Variants in GRIA1 observed in about 807,000 individuals in gnomAD.
The protein encoded by GRIA1 is glutamate ionotropic receptor AMPA type subunit 1, also known as glutamate receptor 1.
Under a neutral mutation model 99.2 loss-of-function variants are expected in GRIA1, and 31 were observed. The observed-to-expected ratio is 0.31, with a 90% CI of 0.23 to 0.42. The LOEUF is 0.42. Ranked by LOEUF, GRIA1 falls within the 10% of genes least tolerant of loss-of-function variation. GRIA1 has a pLI of 1.00. For missense variants in GRIA1, 782 were observed against 1,157.5 expected (o/e 0.68, Z 4.71); for synonymous variants, 438 against 432.4 (o/e 1.01, Z -0.16).
At chr5:153,630,066 G>A (rs1305750388) in intron 2 of GRIA1, among the ~76,000 whole-genome samples, 1 of 150,730 alleles carries the variant, frequency 6.6e-6, no homozygotes, top group African/African-American at 2.4e-5. Context: ...TCAGTTCTGT[G>A]ACCCCTGCCT....
chr5:153,532,427 T>C (rs1758174342), intron 2 of GRIA1, among the ~76,000 whole-genome samples: 1 of 152,208 alleles, frequency 6.6e-6, no homozygotes, highest in African/African-American at 2.4e-5. Context: ...ACTCAAGCTA[T>C]ATCCCCAGTA....
At chr5:153,660,031 T>A (rs1421443757) in intron 5 of GRIA1, among the ~76,000 whole-genome samples, 2 of 152,172 alleles carry the variant, frequency 1.3e-5, no homozygotes, top group Non-Finnish European at 2.9e-5. Flanking sequence ...GTAAACAAGG[T>A]GGAATTCATC....
At chr5:153,711,130 G>A (rs1256267260) in intron 11 of GRIA1, among the ~76,000 whole-genome samples, 2 of 152,146 alleles carry the variant, frequency 1.3e-5, no homozygotes, top group Admixed American at 6.6e-5. Flanking sequence ...AGAGGCCTGC[G>A]CAGGGCCCTG....
intron 2 of GRIA1, among the ~76,000 whole-genome samples, chr5:153,646,553 A>G (rs1401181496): frequency 6.6e-6 from 1 of 152,180 alleles, no homozygotes; most frequent in Non-Finnish European, 1.5e-5. Context: ...TAGCCTCAAT[A>G]GGGTCATTGT....
chr5:153,626,734 C>A (rs1767664115), intron 2 of GRIA1, among the ~76,000 whole-genome samples: 1 of 152,066 alleles, frequency 6.6e-6, no homozygotes, highest in African/African-American at 2.4e-5. Flanking sequence ...TTATCATCAT[C>A]TTATTGGTAC....
At chr5:153,642,448 C>A (rs1017995643) in intron 2 of GRIA1, among the ~76,000 whole-genome samples, 1 of 152,014 alleles carries the variant, frequency 6.6e-6, no homozygotes, top group Non-Finnish European at 1.5e-5. Flanking sequence ...CATTACAGGC[C>A]AGTCACAGTG....
intron 2 of GRIA1, among the ~76,000 whole-genome samples, chr5:153,629,223 C>G (rs896396468): frequency 6.6e-6 from 1 of 152,150 alleles, no homozygotes; most frequent in Non-Finnish European, 1.5e-5. Flanking sequence ...CTCTTCCCTC[C>G]CCCTTCCTCC....
In GRIA1 at chr5:153,768,606, C is replaced by T. The variant is rs146407527; in HGVS notation, c.2023-1562C>T. 8.0e-3 allele frequency among the ~76,000 whole-genome samples: 1,218 copies of T among 152,076 alleles called. 24 individuals are homozygous for T. Among genetic ancestry groups the T allele is most frequent in the African/African-American group, 0.027 (1,128 of 41,476 alleles). Reference sequence around the variant, plus strand: ...CAAGATCTATGATTTTCCTGGGCCCCGAATGTCTTTATTGATCAGCTGACT... The same window carrying T: ...CAAGATCTATGATTTTCCTGGGCCCTGAATGTCTTTATTGATCAGCTGACT... On this transcript the variant is annotated intron_variant, in intron 12 of 15. Transcript: ENST00000285900.
In GRIA1 at chr5:153,637,489, G is replaced by A. The variant is rs543736632; in HGVS notation, c.221-9439G>A. The stretch of plus-strand genomic sequence containing the variant: ...GTTGAGTCACTCTATGGACCATCCC[G>A]GAAAGATCCTCTTCTCATAATAACA... On this transcript the variant is annotated intron_variant, in intron 2 of 15. Transcript: ENST00000285900. 1.2e-4 allele frequency among the ~76,000 whole-genome samples: 19 copies of A among 152,266 alleles called. 1 individual carries two copies. Among genetic ancestry groups the A allele is most frequent in the African/African-American group, 4.3e-4 (18 of 41,542 alleles).
chr5:153,700,230 C>T (rs1048900777), intron 10 of GRIA1, among the ~76,000 whole-genome samples: 2 of 152,070 alleles, frequency 1.3e-5, no homozygotes, highest in Admixed American at 1.3e-4. Context: ...ACCAAAAATA[C>T]AAAAATTAGC....
In GRIA1 at chr5:153,777,452, C is replaced by T. The variant is rs116191779; in HGVS notation, c.2270+7037C>T. 6.3e-3 allele frequency among the ~76,000 whole-genome samples: 958 copies of T among 152,224 alleles called. 4 individuals carry two copies. Among genetic ancestry groups the T allele is most frequent in the Middle Eastern group, 0.01 (3 of 294 alleles). ...GGGTAAGTCACTAGAACTTCATAAA[C>T]GTCTGTCTTCTTATCTGAAAAATTG... On this transcript the variant is annotated intron_variant, in intron 13 of 15. Transcript: ENST00000285900.
intron 11 of GRIA1, among the ~76,000 whole-genome samples, chr5:153,727,121 A>G (rs949966908): frequency 1.9e-4 from 29 of 152,298 alleles, no homozygotes; most frequent in African/African-American, 3.6e-4. Context: ...TATAAACAGA[A>G]CCAAAGACAA....
intron 11 of GRIA1, among the ~76,000 whole-genome samples, chr5:153,756,822 G>C (rs756774193): frequency 9.9e-5 from 15 of 152,106 alleles, no homozygotes; most frequent in Non-Finnish European, 1.9e-4. Flanking sequence ...CAGATTTCTG[G>C]ACAGGCCAAC....
At chr5:153,526,574 A>T (rs1199802925) in intron 2 of GRIA1, among the ~76,000 whole-genome samples, 1 of 152,246 alleles carries the variant, frequency 6.6e-6, no homozygotes, top group Non-Finnish European at 1.5e-5. Context: ...AATCCAAAGG[A>T]ACTCTGCAAA....
In GRIA1 at chr5:153,646,924, G is replaced by T. The variant is rs747932724; in HGVS notation, c.221-4G>T. On this transcript the variant is annotated splice_region_variant and splice_polypyrimidine_tract_variant and intron_variant, in intron 2 of 15. Coordinates refer to ENST00000285900, the MANE Select transcript of GRIA1 (RefSeq NM_000827.4). ...TATTCATTAATCCTTCTCTTCTCTT[G>T]TAGTCTGTTCCCAGTTCTCCAAAGG... 1 of 1,613,648 alleles carries T rather than the reference G, an allele frequency of 6.2e-7. No homozygotes were observed.
intron 8 of GRIA1, among the ~76,000 whole-genome samples, chr5:153,686,778 A>G (rs1466462201): frequency 1.3e-5 from 2 of 152,208 alleles, no homozygotes; most frequent in East Asian, 3.8e-4. Context: ...GAAAATATAT[A>G]TGTTTACATA....
At chr5:153,612,534 T>C (rs1014296487) in intron 2 of GRIA1, among the ~76,000 whole-genome samples, 50 of 152,224 alleles carry the variant, frequency 3.3e-4, no homozygotes, top group Non-Finnish European at 6.6e-4. Flanking sequence ...GGATAATGCA[T>C]ATTAAGTGCC....
At chr5:153,655,318 G>T (rs1049771253) in intron 4 of GRIA1, among the ~76,000 whole-genome samples, 1 of 152,170 alleles carries the variant, frequency 6.6e-6, no homozygotes, top group African/African-American at 2.4e-5. Flanking sequence ...GCAAGGAATT[G>T]AAGGTGAAGT....
intron 2 of GRIA1, among the ~76,000 whole-genome samples, chr5:153,613,653 T>G (rs1766203576): frequency 6.6e-6 from 1 of 152,198 alleles, no homozygotes; most frequent in Admixed American, 6.5e-5. Flanking sequence ...CCATTACTTT[T>G]AATGACAAAC....
Sources: allele counts gnomAD v4.1 joint callset (sites outside exome capture counted in the v4.1 genomes callset), GRCh38; gene constraint gnomAD v4.1.1; transcripts MANE v1.5; gene names NCBI Gene and HGNC (gene_info 2026-07-23, HGNC 2026-07-21).